ROBO2: variants seen among roughly 807,000 people sequenced by gnomAD.
ROBO2 encodes roundabout guidance receptor 2.
ROBO2 carries 53 observed loss-of-function variants against 160.8 expected under a neutral mutation model. That is an observed-to-expected ratio of 0.33 (90% CI 0.26 to 0.41). The LOEUF is 0.41. Among genes scored for constraint, ROBO2 ranks in the 10% least tolerant of loss-of-function variants. The pLI is 1.00. For synonymous variants in ROBO2, 664 were observed against 611.7 expected (o/e 1.09, Z -1.26); for missense variants, 1,577 against 1,722.4 (o/e 0.92, Z 1.49).
chr3:76,233,071 A>C (rs149685831), intron 2 of ROBO2, among the ~76,000 whole-genome samples: 34 of 152,092 alleles, frequency 2.2e-4, no homozygotes, highest in Non-Finnish European at 4.1e-4. Flanking sequence ...TTCCTATTGA[A>C]TTCATTCATT....
At chr3:76,729,150 G>C (rs912174060) in intron 2 of ROBO2, among the ~76,000 whole-genome samples, 11 of 151,866 alleles carry the variant, frequency 7.2e-5, no homozygotes, top group Non-Finnish European at 1.6e-4. Flanking sequence ...TTATTACTTT[G>C]TTCATTATCC....
At chr3:76,359,295 G>A (rs1282245276) in intron 2 of ROBO2, among the ~76,000 whole-genome samples, 1 of 151,962 alleles carries the variant, frequency 6.6e-6, no homozygotes, top group Non-Finnish European at 1.5e-5. Context: ...TAGAAAGGAT[G>A]CTTTAAAATT....
chr3:76,849,560 A>G (rs1003292829), intron 2 of ROBO2, among the ~76,000 whole-genome samples: 2 of 152,242 alleles, frequency 1.3e-5, no homozygotes, highest in Non-Finnish European at 2.9e-5. Context: ...ATAAATAGTA[A>G]TACATTAAAT....
intron 2 of ROBO2, among the ~76,000 whole-genome samples, chr3:76,145,996 A>G (rs938660058): frequency 2.6e-5 from 4 of 151,960 alleles, no homozygotes; most frequent in Non-Finnish European, 5.9e-5. Flanking sequence ...TGATTCCACT[A>G]TTTCTTTCCC....
intron 2 of ROBO2, among the ~76,000 whole-genome samples, chr3:76,896,954 G>C (rs569784057): frequency 1.3e-5 from 2 of 152,302 alleles, no homozygotes; most frequent in South Asian, 4.1e-4. Context: ...ATGGGAGGCA[G>C]TGGAGAGCTA....
intron 2 of ROBO2, among the ~76,000 whole-genome samples, chr3:76,317,509 G>A (rs1460485829): frequency 4.6e-5 from 7 of 152,124 alleles, no homozygotes; most frequent in Non-Finnish European, 7.4e-5. Context: ...ATGTGAGATT[G>A]GGAATCTGGA....
intron 2 of ROBO2, among the ~76,000 whole-genome samples, chr3:77,028,943 C>G (rs930394469): frequency 1.3e-5 from 2 of 152,144 alleles, no homozygotes; most frequent in Non-Finnish European, 2.9e-5. Context: ...GGTTTTGGTA[C>G]AACACAAGGC....
chr3:77,611,454 G>A (rs1025018325), intron 21 of ROBO2, among the ~76,000 whole-genome samples: 2 of 152,080 alleles, frequency 1.3e-5, no homozygotes, highest in Non-Finnish European at 1.5e-5. Flanking sequence ...ATAAAGCATG[G>A]AATATTGCAG....
At chr3:77,224,473 A>G (rs1160709823) in intron 2 of ROBO2, among the ~76,000 whole-genome samples, 4 of 151,970 alleles carry the variant, frequency 2.6e-5, no homozygotes, top group African/African-American at 9.6e-5. Context: ...TGCACATAAT[A>G]AAGTACAGAG....
chr3:77,261,113 G>T (rs2058745938), intron 2 of ROBO2, among the ~76,000 whole-genome samples: 1 of 152,164 alleles, frequency 6.6e-6, no homozygotes, highest in Non-Finnish European at 1.5e-5. Flanking sequence ...GATAGCGTAT[G>T]GGAAAGCAAT....
At chr3:77,173,795 G>A (rs534145625) in intron 2 of ROBO2, among the ~76,000 whole-genome samples, 1 of 151,932 alleles carries the variant, frequency 6.6e-6, no homozygotes, top group Non-Finnish European at 1.5e-5. Flanking sequence ...GGATTAAAAG[G>A]CTCAGTGGTT....
At chr3:76,995,086 C>T (rs928993127) in intron 2 of ROBO2, among the ~76,000 whole-genome samples, 10 of 144,936 alleles carry the variant, frequency 6.9e-5, no homozygotes, top group Admixed American at 2.2e-4. Flanking sequence ...TCTCCTAATG[C>T]TATCCCTCCC....
intron 2 of ROBO2, among the ~76,000 whole-genome samples, chr3:76,986,403 A>G (rs886566393): frequency 3.9e-5 from 6 of 152,100 alleles, no homozygotes; most frequent in Non-Finnish European, 5.9e-5. Flanking sequence ...TCTATAAAAC[A>G]TGAGTTTCAC....
intron 2 of ROBO2, among the ~76,000 whole-genome samples, chr3:76,304,161 ATATATAT>A (rs924381679): frequency 6.6e-6 from 1 of 152,164 alleles, no homozygotes; most frequent in Non-Finnish European, 1.5e-5. Context: ...AACAAAACTG[ATATATAT>A]TATATGTTAC....
intron 2 of ROBO2, among the ~76,000 whole-genome samples, chr3:77,250,876 G>T (rs142754172): frequency 6.6e-6 from 1 of 152,136 alleles, no homozygotes; most frequent in African/African-American, 2.4e-5. Flanking sequence ...TCATGAGGGC[G>T]GAGTCTTCAT....
intron 2 of ROBO2, among the ~76,000 whole-genome samples, chr3:76,050,135 G>T (rs2067605099): frequency 6.6e-6 from 1 of 152,142 alleles, no homozygotes; most frequent in African/African-American, 2.4e-5. Context: ...TGGACTAGGA[G>T]ACATAGAACC....
rs560303516 is a variant in ROBO2 at position 76,224,868 on chromosome 3, C to T, written c.109+287266C>T. ...TTAAACACGAGGTCTATAATTAATG[C>T]ACAATCTCATTTCCCCCTTCCCTGA... On this transcript the variant is annotated intron_variant, in intron 2 of 26. Transcript: ENST00000487694. Among the ~76,000 whole-genome samples the T allele has an allele frequency of 7.2e-4, 109 of 152,232 alleles. 1 individual carries two copies. Among genetic ancestry groups the T allele is most frequent in the African/African-American group, 2.6e-3 (107 of 41,546 alleles).
chr3:75,980,694 A>G (rs977268843), intron 2 of ROBO2, among the ~76,000 whole-genome samples: 2 of 151,520 alleles, frequency 1.3e-5, no homozygotes, highest in South Asian at 2.1e-4. Flanking sequence ...TACTCACTTA[A>G]ATCTGAAGAG....
At chr3:77,553,188 A>G (rs1721200) in intron 8 of ROBO2, among the ~76,000 whole-genome samples, 84,940 of 151,716 alleles carry the variant, frequency 0.56, 23,856 homozygotes, top group Middle Eastern at 0.68. Flanking sequence ...TTATTATTCC[A>G]TCTGTTATGG....
Sources: allele counts gnomAD v4.1 joint callset (sites outside exome capture counted in the v4.1 genomes callset), GRCh38; gene constraint gnomAD v4.1.1; transcripts MANE v1.5; gene names NCBI Gene and HGNC (gene_info 2026-07-23, HGNC 2026-07-21).